RGS8: variants seen among roughly 807,000 people sequenced by gnomAD.
RGS8 encodes regulator of G-protein signaling 8.
Under a neutral mutation model 21.7 loss-of-function variants are expected in RGS8, and 8 were observed. The observed-to-expected ratio is 0.37, with a 90% confidence interval of 0.22 to 0.66. The LOEUF (loss-of-function observed/expected upper bound fraction) is 0.66, where lower values mean the gene tolerates loss of function less well. Among genes scored for constraint, RGS8 ranks in the 30% least tolerant of loss-of-function variants. The probability of loss-of-function intolerance (pLI) is 0.59; values close to 1 mark genes in which losing one functional copy is unlikely to be tolerated. For synonymous variants in RGS8, 80 were observed against 83.6 expected (o/e 0.96, Z 0.24); for missense variants, 157 against 217.9 (o/e 0.72, Z 1.76).
chr1:182,719,927 T>C, the RGS8 span, among the ~76,000 whole-genome samples: 1 of 152,196 alleles, frequency 6.6e-6, no homozygotes, highest in East Asian at 1.9e-4. Context: ...CATACCCTAT[T>C]TCTTCTAGTC....
chr1:182,644,564 C>T (rs1662621226), downstream of RGS8: 2 of 152,142 alleles, frequency 1.3e-5, no homozygotes, highest in Admixed American at 6.5e-5. Context: ...CTCTAGGCCT[C>T]TCTATGAGGC....
the RGS8 span, among the ~76,000 whole-genome samples, chr1:182,700,075 G>C: frequency 1.3e-5 from 2 of 152,158 alleles, no homozygotes; most frequent in African/African-American, 4.8e-5. Flanking sequence ...CTCAGGTTCT[G>C]AGTCTTGAGT....
chr1:182,744,604 G>T, the RGS8 span, among the ~76,000 whole-genome samples: 1 of 152,152 alleles, frequency 6.6e-6, no homozygotes, highest in African/African-American at 2.4e-5. Flanking sequence ...ATGTTTAGTT[G>T]TGTGTAGAGA....
chr1:182,643,638 T>C (rs1455425923), downstream of RGS8: 1 of 152,194 alleles, frequency 6.6e-6, no homozygotes, highest in Admixed American at 6.5e-5. Context: ...TCAGCATCTC[T>C]GGGTGTGCAC....
At chr1:182,649,965 G>A (rs1231736008) in intron 5 of RGS8, among the ~76,000 whole-genome samples, 4 of 150,380 alleles carry the variant, frequency 2.7e-5, no homozygotes, top group African/African-American at 9.8e-5. Flanking sequence ...ACGCTGGAGT[G>A]CAGTGGCACA....
At chr1:182,707,357 C>A in the RGS8 span, among the ~76,000 whole-genome samples, 9 of 152,300 alleles carry the variant, frequency 5.9e-5, no homozygotes, top group African/African-American at 2.2e-4. Flanking sequence ...CTGCAGCCAA[C>A]AGTGGTTTGA....
In RGS8 at chr1:182,664,456, C is replaced by T. The variant is rs797010959; in HGVS notation, c.193+1513G>A. 2.9e-4 allele frequency among the ~76,000 whole-genome samples: 44 copies of T among 152,274 alleles called. 1 individual carries two copies. Among genetic ancestry groups the T allele is most frequent in the African/African-American group, 1.1e-3 (44 of 41,558 alleles). ...GAGGAAACAGCCTCAGGGACTTGAA[C>T]TAAGTGAGTCAGTTGTGAGGCTAAA... On this transcript the variant is annotated intron_variant, in intron 5 of 6. Coordinates refer to ENST00000483095, the Ensembl canonical transcript of RGS8.
chr1:182,675,210 G>GCCTAAC (rs1031241062), upstream of RGS8, among the ~76,000 whole-genome samples: 17 of 152,148 alleles, frequency 1.1e-4, no homozygotes, highest in African/African-American at 4.1e-4. Flanking sequence ...GGGACCCTAA[G>GCCTAAC]CCTAACCCTA....
At chr1:182,681,563 T>C in intron 1 of RGS8, among the ~76,000 whole-genome samples, 1 of 152,176 alleles carries the variant, frequency 6.6e-6, no homozygotes, top group East Asian at 1.9e-4. Context: ...GGAGTGGGGT[T>C]CGGCCACAGC....
At chr1:182,735,848 G>A in the RGS8 span, among the ~76,000 whole-genome samples, 12 of 152,166 alleles carry the variant, frequency 7.9e-5, no homozygotes, top group Non-Finnish European at 1.8e-4. Context: ...CAGAGACACA[G>A]GCAATAACCT....
At chr1:182,681,782 G>A (rs1435450418) in intron 1 of RGS8, among the ~76,000 whole-genome samples, 1 of 152,272 alleles carries the variant, frequency 6.6e-6, no homozygotes, top group African/African-American at 2.4e-5. Context: ...GCACGGAGAT[G>A]CTGAGCAAAT....
chr1:182,677,957 C>T (rs1468960897), intron 1 of RGS8, among the ~76,000 whole-genome samples: 1 of 152,168 alleles, frequency 6.6e-6, no homozygotes, highest in East Asian at 1.9e-4. Context: ...GCTGAAGAAA[C>T]ACCTCAGCCA....
chr1:182,658,246 A>G (rs1255431243), intron 5 of RGS8: 1 of 152,142 alleles, frequency 6.6e-6, no homozygotes, highest in African/African-American at 2.4e-5. Context: ...ATAAGAAAGG[A>G]AACTGGGTCA....
chr1:182,666,264 GC>G (rs1314619792), intron 4 of RGS8, among the ~76,000 whole-genome samples: 1 of 152,112 alleles, frequency 6.6e-6, no homozygotes, highest in East Asian at 1.9e-4. Flanking sequence ...TTGTCTGTTG[GC>G]TTTTAGTCTA....
intron 5 of RGS8, among the ~76,000 whole-genome samples, chr1:182,657,920 G>C (rs1194723580): frequency 6.6e-6 from 1 of 152,238 alleles, no homozygotes; most frequent in Admixed American, 6.5e-5. Context: ...AAGGCAAGGA[G>C]GTGGTGAACA....
At chr1:182,705,005 A>G in the RGS8 span, among the ~76,000 whole-genome samples, 1 of 152,196 alleles carries the variant, frequency 6.6e-6, no homozygotes, top group Non-Finnish European at 1.5e-5. Flanking sequence ...ATATATAGTA[A>G]GGGTAAGTAC....
chr1:182,650,121 A>C (rs1662933303), intron 5 of RGS8, among the ~76,000 whole-genome samples: 3 of 149,888 alleles, frequency 2.0e-5, no homozygotes, highest in Admixed American at 2.0e-4. Flanking sequence ...CATGTTGGCC[A>C]GGATGGTCTT....
upstream of RGS8, chr1:182,672,828 T>A (rs780728089): frequency 1.9e-6 from 3 of 1,614,028 alleles, no homozygotes; most frequent in Non-Finnish European, 2.5e-6. Context: ...CCCACATGGG[T>A]CTTCACACTG....
the RGS8 span, among the ~76,000 whole-genome samples, chr1:182,704,221 C>T: frequency 6.6e-6 from 1 of 152,192 alleles, no homozygotes; most frequent in African/African-American, 2.4e-5. Flanking sequence ...TCTCAGCTTG[C>T]ATAAAATAGC....
Sources: allele counts gnomAD v4.1 joint callset (sites outside exome capture counted in the v4.1 genomes callset), GRCh38; gene constraint gnomAD v4.1.1; transcripts MANE v1.5; gene names NCBI Gene and HGNC (gene_info 2026-07-23, HGNC 2026-07-21).